The following CRACD variants were observed in gnomAD, a reference collection of about 807,000 sequenced individuals.
CRACD encodes capping protein-inhibiting regulator of actin dynamics.
CRACD carries 56 observed loss-of-function variants against 106.8 expected under a neutral mutation model. The observed-to-expected ratio is 0.52, with a 90% CI of 0.42 to 0.66. The LOEUF (loss-of-function observed/expected upper bound fraction) is 0.66, where lower values mean the gene tolerates loss of function less well. CRACD is among the 30% of genes least tolerant of loss of function. The pLI, the probability that CRACD is intolerant of heterozygous loss-of-function variation, is 0.00. For synonymous variants in CRACD, 754 were observed against 670.8 expected (o/e 1.12, Z -1.92); for missense variants, 1,730 against 1,623.2 (o/e 1.07, Z -1.13).
At chr4:56,096,051 G>T (rs984015498) in intron 1 of CRACD, among the ~76,000 whole-genome samples, 3 of 152,104 alleles carry the variant, frequency 2.0e-5, no homozygotes, top group Admixed American at 6.6e-5. Flanking sequence ...ATATATTGAG[G>T]TGAGGAGGAT....
intron 1 of CRACD, among the ~76,000 whole-genome samples, chr4:56,111,962 T>C (rs1734137657): frequency 6.6e-6 from 1 of 152,220 alleles, no homozygotes. Context: ...CATTACAGTT[T>C]GCCAGCTGTC....
At chr4:56,288,174 T>G (rs947499314) in intron 3 of CRACD, among the ~76,000 whole-genome samples, 23 of 152,210 alleles carry the variant, frequency 1.5e-4, no homozygotes, top group Non-Finnish European at 1.5e-5. Flanking sequence ...TCTCCTTTTT[T>G]CTTCCTCTTT....
chr4:56,226,653 G>A (rs1352431470), intron 2 of CRACD, among the ~76,000 whole-genome samples: 2 of 152,128 alleles, frequency 1.3e-5, no homozygotes, highest in Admixed American at 6.5e-5. Context: ...CAGCATTGGA[G>A]GTGGGGCCTA....
intron 1 of CRACD, among the ~76,000 whole-genome samples, chr4:56,118,440 C>T (rs1358458982): frequency 6.6e-6 from 1 of 152,132 alleles, no homozygotes. Flanking sequence ...TGACATACTG[C>T]GAACTACATA....
intron 2 of CRACD, among the ~76,000 whole-genome samples, chr4:56,219,784 C>T (rs1027377127): frequency 6.6e-6 from 1 of 152,126 alleles, no homozygotes; most frequent in Non-Finnish European, 1.5e-5. Flanking sequence ...TCTCAGATAC[C>T]TTCTAGCTTA....
At chr4:56,215,011 A>C (rs1738609077) in intron 2 of CRACD, among the ~76,000 whole-genome samples, 1 of 151,198 alleles carries the variant, frequency 6.6e-6, no homozygotes, top group African/African-American at 2.4e-5. Flanking sequence ...AAGAGAAAAA[A>C]CAAACAAACA....
intron 3 of CRACD, among the ~76,000 whole-genome samples, chr4:56,276,979 G>C (rs998039335): frequency 6.6e-6 from 1 of 152,210 alleles, no homozygotes; most frequent in Non-Finnish European, 1.5e-5. Context: ...AGTCGGGAAA[G>C]GGTTCAGGAA....
chr4:56,305,476 G>T (rs1173583291), intron 4 of CRACD, among the ~76,000 whole-genome samples: 3 of 152,100 alleles, frequency 2.0e-5, no homozygotes, highest in Admixed American at 1.3e-4. Context: ...ATGTCCTCTT[G>T]TCTAACTCCA....
chr4:56,202,169 A>G (rs1737909453), intron 2 of CRACD, among the ~76,000 whole-genome samples: 1 of 151,804 alleles, frequency 6.6e-6, no homozygotes, highest in Admixed American at 6.6e-5. Context: ...GGGGTGGAAA[A>G]TATTTCACTT....
intron 4 of CRACD, among the ~76,000 whole-genome samples, chr4:56,298,706 G>T (rs1164216258): frequency 6.6e-6 from 1 of 152,166 alleles, no homozygotes; most frequent in Non-Finnish European, 1.5e-5. Context: ...GCCGAGGCGG[G>T]TGGATCACTT....
intron 4 of CRACD, among the ~76,000 whole-genome samples, chr4:56,303,829 G>A (rs149904718): frequency 1.6e-3 from 238 of 152,326 alleles, no homozygotes; most frequent in Middle Eastern, 0.01. Context: ...GCATGTCTTC[G>A]AGGACAGTGC....
rs776017011 is a variant in CRACD at position 56,327,666 on chromosome 4, C to T, written c.3564C>T (p.Pro1188=). 5.0e-6 allele frequency: 8 copies of T among 1,607,526 alleles called. No individual in the cohort carries two copies. The highest frequency in any genetic ancestry group is 6.8e-6 in the Non-Finnish European group (8 of 1,177,014). Residue 1188 remains proline, a synonymous_variant, in exon 11 of 11, where the codon CCC becomes CCT. Transcript: ENST00000682029. The part of the protein sequence containing the change: ...SVTVEISDSA[P]PAPLVKEVTK... ...CAGTGGAGATCTCCGACTCGGCTCC[C>T]CCAGCGCCGCTGGTAAAAGAAGTCA... is the stretch of plus-strand genomic sequence containing the variant.
intron 2 of CRACD, among the ~76,000 whole-genome samples, chr4:56,190,956 G>C (rs2109455911): frequency 6.6e-6 from 1 of 152,234 alleles, no homozygotes; most frequent in South Asian, 2.1e-4. Context: ...CCTCCTACCA[G>C]ATCTCTCACT....
chr4:56,147,073 A>T (rs973722659), intron 1 of CRACD, among the ~76,000 whole-genome samples: 2 of 152,128 alleles, frequency 1.3e-5, no homozygotes, highest in Non-Finnish European at 2.9e-5. Context: ...AATTTGCATC[A>T]TCCTGACTTA....
chr4:56,065,095 AT>A (rs373887557), intron 1 of CRACD, among the ~76,000 whole-genome samples: 2 of 148,870 alleles, frequency 1.3e-5, no homozygotes, highest in Non-Finnish European at 3.0e-5. Flanking sequence ...AAATTTTTTT[AT>A]TTTTTTTTTG....
intron 2 of CRACD, among the ~76,000 whole-genome samples, chr4:56,267,225 A>G (rs1401949657): frequency 6.6e-6 from 1 of 151,994 alleles, no homozygotes; most frequent in Non-Finnish European, 1.5e-5. Flanking sequence ...GGTTCAAGCA[A>G]TTCTCCTGCC....
intron 1 of CRACD, among the ~76,000 whole-genome samples, chr4:56,174,150 T>C (rs1352097192): frequency 6.6e-6 from 1 of 152,180 alleles, no homozygotes; most frequent in Non-Finnish European, 1.5e-5. Flanking sequence ...GCTTCTTTTT[T>C]TGATTTTTAA....
intron 3 of CRACD, among the ~76,000 whole-genome samples, chr4:56,276,878 C>T (rs995898753): frequency 2.6e-5 from 4 of 152,180 alleles, no homozygotes; most frequent in Admixed American, 6.5e-5. Flanking sequence ...TTACATCATG[C>T]ATAAGTACAA....
At chr4:56,248,681 C>T (rs1039262297) in intron 2 of CRACD, among the ~76,000 whole-genome samples, 6 of 148,682 alleles carry the variant, frequency 4.0e-5, no homozygotes, top group African/African-American at 1.2e-4. Flanking sequence ...CCCACTAACT[C>T]GTCATCTAGC....
Sources: gnomAD v4.1 joint callset for allele counts (sites outside exome capture counted in the v4.1 genomes callset) on GRCh38, gnomAD v4.1.1 for gene constraint, MANE v1.5 for transcripts, NCBI Gene and HGNC (gene_info 2026-07-23, HGNC 2026-07-21) for gene names.